The following SLC9A9 variants were observed in gnomAD, a reference collection of about 807,000 sequenced individuals.
SLC9A9 encodes the protein sodium/hydrogen exchanger 9.
SLC9A9 carries 62 observed loss-of-function variants against 77.8 expected under a neutral mutation model. That is an observed-to-expected ratio of 0.80 (90% CI 0.65 to 0.98). SLC9A9 has a LOEUF of 0.98. Among genes scored for constraint, SLC9A9 ranks in the 50% least tolerant of loss-of-function variants. The pLI, the probability that SLC9A9 is intolerant of heterozygous loss-of-function variation, is 0.00. For missense variants in SLC9A9, 775 were observed against 774.9 expected, an observed-to-expected ratio of 1.00 and a Z score of 0.00; for synonymous variants, 320 against 283.5, an observed-to-expected ratio of 1.13 and a Z score of -1.29.
At chr3:143,840,343 T>TTATG (rs141236621) in intron 1 of SLC9A9, among the ~76,000 whole-genome samples, 1 of 4,698 alleles carries the variant, frequency 2.1e-4, no homozygotes, top group Non-Finnish European at 3.2e-3. Flanking sequence ...CCCAGAAGCA[T>TTATG]AGTTAATGGT....
intron 14 of SLC9A9, among the ~76,000 whole-genome samples, chr3:143,330,737 G>A (rs2031742251): frequency 6.6e-6 from 1 of 152,186 alleles, no homozygotes; most frequent in Non-Finnish European, 1.5e-5. Flanking sequence ...TGTTTCAAAT[G>A]TGACTTTTAA....
Position 143,570,159 on chromosome 3 carries a change from T to A in SLC9A9, c.1000+3929A>T, listed in dbSNP as rs563292359. On this transcript the variant is annotated intron_variant, in intron 8 of 15. Transcript: ENST00000316549. The stretch of plus-strand genomic sequence containing the variant: ...AACTACAATGTGACAAAGATAAGCA[T>A]CTCAACACGAAAACAGTTAACAACA... 1.1e-4 allele frequency among the ~76,000 whole-genome samples: 16 copies of A among 152,024 alleles called. No homozygotes were observed. The East Asian group carries it at 3.1e-3, about 29-fold the overall frequency.
At chr3:143,502,410 A>G (rs1198079104) in intron 9 of SLC9A9, among the ~76,000 whole-genome samples, 1 of 152,170 alleles carries the variant, frequency 6.6e-6, no homozygotes, top group African/African-American at 2.4e-5. Context: ...TTAGCAAACC[A>G]TGTTCTCTGA....
At chr3:143,289,569 G>A (rs1327036681) in intron 14 of SLC9A9, among the ~76,000 whole-genome samples, 1 of 152,040 alleles carries the variant, frequency 6.6e-6, no homozygotes, top group African/African-American at 2.4e-5. Context: ...AAGCATGGGT[G>A]CTACCTCCAA....
At chr3:143,297,723 T>A (rs1486024461) in intron 14 of SLC9A9, among the ~76,000 whole-genome samples, 1 of 152,200 alleles carries the variant, frequency 6.6e-6, no homozygotes, top group Non-Finnish European at 1.5e-5. Flanking sequence ...CACCTGCTTG[T>A]TTAAGTTTAT....
intron 9 of SLC9A9, among the ~76,000 whole-genome samples, chr3:143,529,106 G>C (rs570080178): frequency 6.6e-6 from 1 of 152,286 alleles, no homozygotes. Context: ...CAACAACAGC[G>C]GGGTGAGCTA....
intron 14 of SLC9A9, among the ~76,000 whole-genome samples, chr3:143,357,850 T>A (rs2032635108): frequency 6.6e-6 from 1 of 152,128 alleles, no homozygotes; most frequent in Non-Finnish European, 1.5e-5. Context: ...ACTACCCCAA[T>A]AAATGATTCA....
chr3:143,701,970 T>A (rs1933814451), intron 4 of SLC9A9, among the ~76,000 whole-genome samples: 1 of 152,182 alleles, frequency 6.6e-6, no homozygotes, highest in Non-Finnish European at 1.5e-5. Flanking sequence ...GGCAGCAGAC[T>A]TTTCAGTGGA....
At chr3:143,776,368 C>T (rs1288389040) in intron 4 of SLC9A9, among the ~76,000 whole-genome samples, 4 of 152,126 alleles carry the variant, frequency 2.6e-5, no homozygotes, top group Non-Finnish European at 5.9e-5. Context: ...CATTTACCCC[C>T]AGTACTGTGA....
At chr3:143,566,612 G>A (rs149104475) in intron 8 of SLC9A9, among the ~76,000 whole-genome samples, 2 of 152,172 alleles carry the variant, frequency 1.3e-5, no homozygotes, top group African/African-American at 4.8e-5. Context: ...AGTAAATAGT[G>A]TTCTATACTG....
chr3:143,535,139 C>T (rs1415132101), intron 9 of SLC9A9, among the ~76,000 whole-genome samples: 1 of 152,100 alleles, frequency 6.6e-6, no homozygotes, highest in Admixed American at 6.5e-5. Context: ...AAATCATAAT[C>T]CTTGACTAAA....
At chr3:143,691,200 C>T (rs1055999662) in intron 5 of SLC9A9, among the ~76,000 whole-genome samples, 3 of 152,030 alleles carry the variant, frequency 2.0e-5, no homozygotes, top group Non-Finnish European at 4.4e-5. Context: ...GCTGGAACTA[C>T]CGAAGTGCAC....
intron 14 of SLC9A9, among the ~76,000 whole-genome samples, chr3:143,307,559 C>G (rs2030843567): frequency 6.6e-6 from 1 of 152,190 alleles, no homozygotes; most frequent in Non-Finnish European, 1.5e-5. Flanking sequence ...GGGTCTTTGC[C>G]TCTGCCTATT....
intron 14 of SLC9A9, among the ~76,000 whole-genome samples, chr3:143,285,273 CTGCCCTG>C (rs1938351755): frequency 6.6e-6 from 1 of 152,174 alleles, no homozygotes; most frequent in African/African-American, 2.4e-5. Flanking sequence ...GTGATGTTCC[CTGCCCTG>C]TGTCCATGTG....
chr3:143,621,617 G>C (rs2038214299), intron 6 of SLC9A9, among the ~76,000 whole-genome samples: 1 of 152,138 alleles, frequency 6.6e-6, no homozygotes. Context: ...CCATCTGTAT[G>C]TCACCATCAT....
At chr3:143,520,933 T>C (rs974696984) in intron 9 of SLC9A9, among the ~76,000 whole-genome samples, 1 of 152,246 alleles carries the variant, frequency 6.6e-6, no homozygotes, top group Non-Finnish European at 1.5e-5. Flanking sequence ...AATGGGTAGC[T>C]TATCTCCTAT....
intron 1 of SLC9A9, among the ~76,000 whole-genome samples, chr3:143,839,886 A>G (rs189570068): frequency 1.6e-4 from 24 of 152,356 alleles, no homozygotes; most frequent in Non-Finnish European, 2.5e-4. Flanking sequence ...AGATGGAGAC[A>G]TTACAAAGTG....
chr3:143,622,407 A>G (rs1314365519), intron 6 of SLC9A9, among the ~76,000 whole-genome samples: 2 of 152,248 alleles, frequency 1.3e-5, no homozygotes, highest in African/African-American at 4.8e-5. Context: ...TCAGACTAAC[A>G]GCTGATCTCT....
intron 5 of SLC9A9, among the ~76,000 whole-genome samples, chr3:143,658,330 T>C (rs186445842): frequency 6.6e-6 from 1 of 152,374 alleles, no homozygotes; most frequent in African/African-American, 2.4e-5. Context: ...AGAATCATAC[T>C]AGCTAAGCAC....
Sources: gnomAD v4.1 joint callset for allele counts (sites outside exome capture counted in the v4.1 genomes callset) on GRCh38, gnomAD v4.1.1 for gene constraint, MANE v1.5 for transcripts, NCBI Gene and HGNC (gene_info 2026-07-23, HGNC 2026-07-21) for gene names.